The following COBLL1 variants were observed in gnomAD, a reference collection of about 807,000 sequenced individuals.
COBLL1 encodes the protein cordon-bleu protein-like 1.
COBLL1 carries 50 observed loss-of-function variants against 94.8 expected under a neutral mutation model. The observed-to-expected ratio is 0.53, with a 90% CI of 0.42 to 0.67. The LOEUF (loss-of-function observed/expected upper bound fraction) is 0.67, where lower values mean the gene tolerates loss of function less well. COBLL1 is among the 30% of genes least tolerant of loss of function. COBLL1 has a pLI of 0.00. For missense variants in COBLL1, 1,362 were observed against 1,348.7 expected, an observed-to-expected ratio of 1.01 and a Z score of -0.15; for synonymous variants, 448 against 473.8, an observed-to-expected ratio of 0.95 and a Z score of 0.71.
intron 2 of COBLL1, among the ~76,000 whole-genome samples, chr2:164,814,248 T>C (rs2105345096): frequency 6.6e-6 from 1 of 152,270 alleles, no homozygotes; most frequent in South Asian, 2.1e-4. Flanking sequence ...TAGTAGTATC[T>C]CTCACACACA....
chr2:164,709,106 C>T (rs1402699527), intron 7 of COBLL1, among the ~76,000 whole-genome samples: 1 of 152,170 alleles, frequency 6.6e-6, no homozygotes, highest in East Asian at 1.9e-4. Flanking sequence ...TCATATATTT[C>T]ATTATTCAGG....
chr2:164,707,587 G>A (rs1282493518), intron 7 of COBLL1, among the ~76,000 whole-genome samples: 1 of 152,134 alleles, frequency 6.6e-6, no homozygotes, highest in Non-Finnish European at 1.5e-5. Flanking sequence ...TGCTCCCACT[G>A]GGGTTGACCA....
intron 2 of COBLL1, among the ~76,000 whole-genome samples, chr2:164,744,197 T>C (rs553240562): frequency 6.6e-6 from 1 of 152,292 alleles, no homozygotes; most frequent in East Asian, 1.9e-4. Flanking sequence ...TGTATTTTCT[T>C]TGATTAGATA....
At chr2:164,768,307 T>C (rs987759135) in intron 2 of COBLL1, among the ~76,000 whole-genome samples, 3 of 152,134 alleles carry the variant, frequency 2.0e-5, no homozygotes, top group African/African-American at 7.2e-5. Flanking sequence ...AATAAAATAA[T>C]AATCTAAGCC....
At chr2:164,824,839 G>C (rs2105369535) in intron 2 of COBLL1, among the ~76,000 whole-genome samples, 2 of 152,226 alleles carry the variant, frequency 1.3e-5, no homozygotes, top group East Asian at 3.9e-4. Context: ...ACAAAAAAAA[G>C]TGTTCAGTTC....
chr2:164,818,576 A>G (rs181336546), intron 2 of COBLL1, among the ~76,000 whole-genome samples: 46 of 146,588 alleles, frequency 3.1e-4, no homozygotes, highest in South Asian at 1.5e-3. Context: ...TATAGCATAT[A>G]TGTACATATG....
At chr2:164,777,658 T>A (rs150829523) in intron 2 of COBLL1, among the ~76,000 whole-genome samples, 154 of 152,272 alleles carry the variant, frequency 1.0e-3, no homozygotes, top group Non-Finnish European at 1.8e-3. Context: ...AAGCTTAATA[T>A]CAGCTTGATT....
At position 164,752,816 on chromosome 2, in the gene COBLL1, G is replaced by A. The variant is rs111717679; in HGVS notation, c.42-8941C>T. ...AAAAGGCCTGGGAGTATCCTAAATG[G>A]CCACTTGTGTTACCGTAAGTAAATC... On this transcript the variant is annotated intron_variant, in intron 2 of 13. Coordinates refer to ENST00000652658, the MANE Select transcript of COBLL1 (RefSeq NM_001365672.2). Among the ~76,000 whole-genome samples, 439 of 152,152 alleles carry A rather than the reference G, an allele frequency of 2.9e-3. 1 individual carries two copies. Among genetic ancestry groups the A allele is most frequent in the African/African-American group, 9.7e-3 (402 of 41,510 alleles).
chr2:164,797,211 A>G (rs550133875), intron 2 of COBLL1, among the ~76,000 whole-genome samples: 1 of 152,342 alleles, frequency 6.6e-6, no homozygotes, highest in South Asian at 2.1e-4. Flanking sequence ...GCATTACCAC[A>G]CTAGGCAATG....
At chr2:164,753,202 T>C (rs1342427458) in intron 2 of COBLL1, among the ~76,000 whole-genome samples, 1 of 152,032 alleles carries the variant, frequency 6.6e-6, no homozygotes, top group African/African-American at 2.4e-5. Context: ...GCATTCACAC[T>C]AGGAAAAAAT....
At chr2:164,722,553 T>C in intron 5 of COBLL1, 31 bp from the exon 6 acceptor site, 1 of 1,235,532 alleles carries the variant, frequency 8.1e-7, no homozygotes, top group Admixed American at 2.5e-5. Flanking sequence ...CTTACTTTTG[T>C]ATGTGAGGTT....
At chr2:164,736,006 C>G (rs1686285186) in intron 3 of COBLL1, among the ~76,000 whole-genome samples, 1 of 152,100 alleles carries the variant, frequency 6.6e-6, no homozygotes, top group Non-Finnish European at 1.5e-5. Context: ...ACATTATTTA[C>G]AGAATTTTTT....
At chr2:164,678,141 T>C (rs555639709), downstream of COBLL1, among the ~76,000 whole-genome samples, 6 of 152,294 alleles carry the variant, frequency 3.9e-5, no homozygotes, top group South Asian at 4.1e-4. Flanking sequence ...AGAGCAAGAA[T>C]AGCCAAGACA....
chr2:164,680,927 G>C lies in COBLL1; in HGVS notation c.*5019C>G, dbSNP rs1683010944. ...GAAGACAAAATGAGAGAAAACTATAGAGAAAGGGAGAGAATATACTTTTGC... is the reference window on the plus strand; with the variant it reads ...GAAGACAAAATGAGAGAAAACTATACAGAAAGGGAGAGAATATACTTTTGC... On this transcript the variant is annotated 3_prime_UTR_variant, in exon 14 of 14. Coordinates refer to ENST00000652658, the MANE Select transcript of COBLL1 (RefSeq NM_001365672.2). The C allele has an allele frequency of 6.6e-6, 1 of 152,162 alleles. No individual in the cohort carries two copies. Among genetic ancestry groups the C allele is most frequent in the South Asian group, 2.1e-4 (1 of 4,822 alleles). 9.4% of individuals were successfully genotyped at this position (152,162 alleles called of 1,614,324 possible).
At chr2:164,751,383 A>AT (rs150123523) in intron 2 of COBLL1, among the ~76,000 whole-genome samples, 3,785 of 151,278 alleles carry the variant, frequency 0.025, 149 homozygotes, top group African/African-American at 0.087. Context: ...CTCTATGAGC[A>AT]TTTTTTTTTA....
At chr2:164,799,870 G>A (rs10930134) in intron 2 of COBLL1, among the ~76,000 whole-genome samples, 54,196 of 151,936 alleles carry the variant, frequency 0.36, 9,880 homozygotes, top group Admixed American at 0.41. Context: ...ACAAATAATA[G>A]TGGAATAATT....
intron 5 of COBLL1, chr2:164,723,229 G>A (rs1685544578): frequency 6.6e-6 from 1 of 152,124 alleles, no homozygotes; most frequent in Admixed American, 6.6e-5. Context: ...TGTTAATAGT[G>A]CTGAAAATTA....
At chr2:164,765,016 A>G (rs573416337) in intron 2 of COBLL1, among the ~76,000 whole-genome samples, 62 of 152,314 alleles carry the variant, frequency 4.1e-4, no homozygotes, top group African/African-American at 1.4e-3. Flanking sequence ...AAATAATTAG[A>G]AAATTATTGG....
chr2:164,826,814 G>A (rs1685450356), intron 2 of COBLL1, among the ~76,000 whole-genome samples: 2 of 152,028 alleles, frequency 1.3e-5, no homozygotes, highest in Non-Finnish European at 2.9e-5. Flanking sequence ...TAAATGTAGA[G>A]TATTAGGCTT....
Sources: allele counts gnomAD v4.1 joint callset (sites outside exome capture counted in the v4.1 genomes callset), GRCh38; gene constraint gnomAD v4.1.1; transcripts MANE v1.5; gene names NCBI Gene and HGNC (gene_info 2026-07-23, HGNC 2026-07-21).